Variants in SLC45A3 observed in about 807,000 individuals in gnomAD.
The protein encoded by SLC45A3 is solute carrier family 45 member 3.
Under a neutral mutation model 35.3 loss-of-function variants are expected in SLC45A3, and 17 were observed. That is an observed-to-expected ratio of 0.48 (90% CI 0.33 to 0.72). SLC45A3 has a LOEUF of 0.72. Ranked by LOEUF, SLC45A3 falls within the 30% of genes least tolerant of loss-of-function variation. The pLI is 0.02. For synonymous variants in SLC45A3, 288 were observed against 334.3 expected (o/e 0.86, Z 1.51); for missense variants, 597 against 731.7 (o/e 0.82, Z 2.12).
rs534099077 is a variant in SLC45A3 at position 205,676,240 on chromosome 1, G to A, written c.-231+4154C>T. On this transcript the variant is annotated intron_variant, in intron 1 of 4. Coordinates refer to ENST00000367145, the MANE Select transcript of SLC45A3 (RefSeq NM_033102.3). ...AAGTACACTTGAGATTAGCGAGGCC[G>A]GGGGCAGGGGGGCACACAGCGACCA... is the stretch of plus-strand genomic sequence containing the variant. Among the ~76,000 whole-genome samples, 9 of 152,270 alleles carry A rather than the reference G, an allele frequency of 5.9e-5. No individual in the cohort carries two copies. In the South Asian group the frequency reaches 8.3e-4, roughly 14 times the overall value.
chr1:205,668,044 T>C (rs1416424541), intron 1 of SLC45A3, among the ~76,000 whole-genome samples: 2 of 152,112 alleles, frequency 1.3e-5, no homozygotes, highest in African/African-American at 4.8e-5. Flanking sequence ...CCTGTATTCT[T>C]TGGTGGCAGA....
rs186106842 is a variant in SLC45A3, at chr1:205,671,777, A to C, written c.-230-6891T>G. Among the ~76,000 whole-genome samples, 1,471 of 152,216 alleles carry C rather than the reference A, an allele frequency of 9.7e-3. 31 individuals are homozygous for C. The highest frequency in any genetic ancestry group is 0.034 in the African/African-American group (1,393 of 41,514). On this transcript the variant is annotated intron_variant, in intron 1 of 4. Transcript: ENST00000367145. Reference sequence around the variant, plus strand: ...GCTACTCGGGAGGCTGAGGCATGAGAATTGCTTGAAACCGGGAGGTCAAGG... The same window carrying C: ...GCTACTCGGGAGGCTGAGGCATGAGCATTGCTTGAAACCGGGAGGTCAAGG...
chr1:205,676,426 C>T (rs967736389), intron 1 of SLC45A3, among the ~76,000 whole-genome samples: 2 of 152,156 alleles, frequency 1.3e-5, no homozygotes, highest in South Asian at 4.1e-4. Flanking sequence ...CCCCACTCCC[C>T]AGAAAGTGAT....
intron 1 of SLC45A3, among the ~76,000 whole-genome samples, chr1:205,665,408 A>T (rs1247594965): frequency 6.6e-6 from 1 of 152,186 alleles, no homozygotes; most frequent in Non-Finnish European, 1.5e-5. Context: ...GATGAAGGGG[A>T]AAGGGAGGAG....
Position 205,663,150 on chromosome 1 carries a change from G to A in SLC45A3, c.641C>T (p.Thr214Ile). ...TLIFLTCVAA[T>I]LLVAEEAALG... ...CGCTGCCTCCTCAGCCACCAGCAGT[G>A]TGGCTGCTACGCAGGTGAGGAAGAT... Residue 214 changes from threonine to isoleucine, a missense_variant, in exon 3 of 5, where the codon ACA becomes ATA. This residue lies in a region of SLC45A3 where 555 missense variants were observed against 664.9 expected (regional missense o/e 0.83). Coordinates refer to ENST00000367145, the MANE Select transcript of SLC45A3 (RefSeq NM_033102.3). 6.2e-7 allele frequency: 1 copy of A among 1,612,246 alleles called. No homozygotes were observed. The highest frequency in any genetic ancestry group is 8.5e-7 in the Non-Finnish European group (1 of 1,179,456).
At chr1:205,668,242 TC>T (rs1441718564) in intron 1 of SLC45A3, among the ~76,000 whole-genome samples, 3 of 152,168 alleles carry the variant, frequency 2.0e-5, no homozygotes, top group Admixed American at 6.5e-5. Flanking sequence ...TGTCATTTCA[TC>T]CCTCCTCCAG....
rs534733094 is a variant in SLC45A3 at position 205,666,270 on chromosome 1, G to A, written c.-230-1384C>T. On this transcript the variant is annotated intron_variant, in intron 1 of 4. Coordinates refer to ENST00000367145, the MANE Select transcript of SLC45A3 (RefSeq NM_033102.3). The surrounding 1 kb of genome is among the most constrained non-coding windows in gnomAD (Gnocchi z 4.1). Reference sequence around the variant, plus strand: ...TGCCTATAATCCCAGAACTTCAAGAGGCCAAGGCAGGAGGATCACTTCAGC... The same window carrying A: ...TGCCTATAATCCCAGAACTTCAAGAAGCCAAGGCAGGAGGATCACTTCAGC... 1.3e-5 allele frequency among the ~76,000 whole-genome samples: 2 copies of A among 152,228 alleles called. No homozygotes were observed. Among genetic ancestry groups the A allele is most frequent in the South Asian group, 4.1e-4 (2 of 4,822 alleles).
intron 1 of SLC45A3, among the ~76,000 whole-genome samples, chr1:205,679,167 C>A (rs1181179388): frequency 6.6e-6 from 1 of 152,186 alleles, no homozygotes; most frequent in East Asian, 1.9e-4. Flanking sequence ...GACTCCAGGG[C>A]AGCAAGACAG....
At chr1:205,663,760 C>T (rs1368554356) in intron 2 of SLC45A3, 142 bp from the exon 3 acceptor site, 6 of 864,616 alleles carry the variant, frequency 6.9e-6, no homozygotes, top group African/African-American at 6.8e-5. Context: ...CTGTAATTTA[C>T]TCCTCATAAC....
intron 1 of SLC45A3, among the ~76,000 whole-genome samples, chr1:205,670,181 G>C (rs977190593): frequency 6.6e-6 from 1 of 152,236 alleles, no homozygotes; most frequent in African/African-American, 2.4e-5. Flanking sequence ...AGGAGACCTG[G>C]AAATGAGCAT....
chr1:205,672,875 C>G (rs1671241996), intron 1 of SLC45A3, among the ~76,000 whole-genome samples: 1 of 152,228 alleles, frequency 6.6e-6, no homozygotes, highest in South Asian at 2.1e-4. Context: ...CCGGCAGTTG[C>G]TTCTTCACGG....
Position 205,664,728 on chromosome 1 carries a change from A to G in SLC45A3, c.-72T>C, listed in dbSNP as rs551430216. 6.6e-5 allele frequency: 103 copies of G among 1,558,172 alleles called. 1 individual carries two copies. In the South Asian group the frequency reaches 8.9e-4, roughly 13 times the overall value. The stretch of plus-strand genomic sequence containing the variant: ...AACTGCTTCGTCTCGGCTCTGCTCC[A>G]GAAGCTGCGGCCTCTCCTCCTTGCT... On this transcript the variant is annotated 5_prime_UTR_variant, in exon 2 of 5. Coordinates refer to ENST00000367145, the MANE Select transcript of SLC45A3 (RefSeq NM_033102.3). This position sits in a 1 kb window ranked among gnomAD's most constrained non-coding sequence, Gnocchi z 5.3.
chr1:205,659,512 C>A lies in SLC45A3; in HGVS notation c.1384G>T (p.Gly462Trp). ...GLLPPPPALC[G>W]ASACDVSVRV... ...ACGGAGACATCACAGGCAGAGGCCC[C>A]GCAGAGCGCGGGTGGAGGTGGGAGC... Residue 462 changes from glycine (G) to tryptophan (W), a missense_variant, in exon 5 of 5, where the codon GGG becomes TGG. Gly to Trp is a radical substitution (Grantham distance 184). This residue lies in a region of SLC45A3 where 555 missense variants were observed against 664.9 expected (regional missense o/e 0.83). Transcript: ENST00000367145. The surrounding 1 kb of genome is among the most constrained non-coding windows in gnomAD (Gnocchi z 5.8). 6.2e-7 allele frequency: 1 copy of A among 1,612,150 alleles called. No homozygotes were observed. Among genetic ancestry groups the A allele is most frequent in the Non-Finnish European group, 8.5e-7 (1 of 1,178,824 alleles).
chr1:205,660,540 C>A (rs76733239), intron 4 of SLC45A3, among the ~76,000 whole-genome samples: 1 of 152,172 alleles, frequency 6.6e-6, no homozygotes, highest in Non-Finnish European at 1.5e-5. Context: ...GCTCACCATG[C>A]AGCTCAACAA....
intron 1 of SLC45A3, among the ~76,000 whole-genome samples, chr1:205,674,540 T>C (rs1297287506): frequency 7.0e-6 from 1 of 143,044 alleles, no homozygotes; most frequent in Non-Finnish European, 1.5e-5. Flanking sequence ...TGAGCTGAGA[T>C]TGCGTGACTG....
In SLC45A3 at chr1:205,662,322, G is replaced by A. The variant is rs1671041638; in HGVS notation, c.959-196C>T. On this transcript the variant is annotated intron_variant, in intron 3 of 4. Coordinates refer to ENST00000367145, the MANE Select transcript of SLC45A3 (RefSeq NM_033102.3). This position sits in a 1 kb window ranked among gnomAD's most constrained non-coding sequence, Gnocchi z 6.2. ...CTTCCACTGACCCTCAGAGAATGTG[G>A]GCAACGCCCCTTGCTGAAGGCAGAG... 3.5e-6 allele frequency: 5 copies of A among 1,420,440 alleles called. No homozygotes were observed. The African/African-American group carries it at 7.2e-5, about 20-fold the overall frequency. The allele number at this position is 1,420,440 out of a possible 1,614,324, so 88.0% of individuals were successfully genotyped here.
chr1:205,664,895 G>T lies in SLC45A3; in HGVS notation c.-230-9C>A. On this transcript the variant is annotated splice_polypyrimidine_tract_variant and intron_variant, in intron 1 of 4. Coordinates refer to ENST00000367145, the MANE Select transcript of SLC45A3 (RefSeq NM_033102.3). The surrounding 1 kb of genome is among the most constrained non-coding windows in gnomAD (Gnocchi z 5.3). ...GTCTCATCACTCAGATCCTAGAAGG[G>T]CGGGGCAATCACAAGCACACGGGGT... is the stretch of plus-strand genomic sequence containing the variant. 2 of 1,360,704 alleles carry T rather than the reference G, an allele frequency of 1.5e-6. No individual in the cohort carries two copies. The highest frequency in any genetic ancestry group is 1.9e-6 in the Non-Finnish European group (2 of 1,059,264). The allele number at this position is 1,360,704 out of a possible 1,614,324, so 84.3% of individuals were successfully genotyped here. A position where few individuals can be genotyped will look rare whatever the true frequency, so the allele number is the denominator to read the frequency against.
intron 1 of SLC45A3, 124 bp from the exon 2 acceptor site, chr1:205,665,010 G>A (rs1671096509): frequency 2.2e-6 from 2 of 907,496 alleles, no homozygotes; most frequent in East Asian, 9.3e-5. Flanking sequence ...CTGTCACCGA[G>A]GTGCCACCCC....
chr1:205,662,884 C>A lies in SLC45A3; in HGVS notation c.907G>T (p.Gly303Cys). Reference protein sequence around the residue: ...TDFVGEGLYQGVPRAEPGTEA... With the variant: ...TDFVGEGLYQCVPRAEPGTEA... ...GTGCCCGGCTCAGCTCTGGGCACGCCCTGGTACAGCCCCTCGCCCACGAAA... is the reference window on the plus strand; with the variant it reads ...GTGCCCGGCTCAGCTCTGGGCACGCACTGGTACAGCCCCTCGCCCACGAAA... Residue 303 changes from glycine (G) to cysteine (C), a missense_variant, in exon 3 of 5, where the codon GGC (glycine) becomes TGC (cysteine). By Grantham distance (159) the Gly-to-Cys change is radical. This residue lies in a region of SLC45A3 where 555 missense variants were observed against 664.9 expected (regional missense o/e 0.83). Transcript: ENST00000367145. This position sits in a 1 kb window ranked among gnomAD's most constrained non-coding sequence, Gnocchi z 6.2. The A allele has an allele frequency of 6.2e-7, 1 of 1,611,538 alleles. No homozygotes were observed. The highest frequency in any genetic ancestry group is 8.5e-7 in the Non-Finnish European group (1 of 1,179,072).
Sources: gnomAD v4.1 joint callset for allele counts (sites outside exome capture counted in the v4.1 genomes callset) on GRCh38, gnomAD v4.1.1 for gene constraint, gnomAD v4.1.1 regional missense constraint, Gnocchi (gnomAD v3.1) non-coding constraint, MANE v1.5 for transcripts, NCBI Gene and HGNC (gene_info 2026-07-23, HGNC 2026-07-21) for gene names.